The following LTBP1 variants were observed in gnomAD, a reference collection of about 807,000 sequenced individuals.
LTBP1 encodes latent transforming growth factor beta binding protein 1, also known as latent-transforming growth factor beta-binding protein 1.
In LTBP1, 129 loss-of-function variants were observed where a neutral mutation model predicts 207.6. The observed-to-expected ratio is 0.62, with a 90% CI of 0.54 to 0.72. The LOEUF is 0.72. Ranked by LOEUF, LTBP1 falls within the 30% of genes least tolerant of loss-of-function variation. The pLI is 0.00. For synonymous variants in LTBP1, 963 were observed against 833.7 expected (o/e 1.16, Z -2.67); for missense variants, 2,281 against 2,217.2 (o/e 1.03, Z -0.58).
intron 3 of LTBP1, among the ~76,000 whole-genome samples, chr2:33,049,999 GC>G (rs2076644949): frequency 6.6e-6 from 1 of 151,860 alleles, no homozygotes; most frequent in Admixed American, 6.6e-5. Context: ...GGGCCACTGC[GC>G]CCAGCCAATT....
At chr2:33,055,149 G>T (rs1010378662) in intron 3 of LTBP1, among the ~76,000 whole-genome samples, 1 of 152,226 alleles carries the variant, frequency 6.6e-6, no homozygotes, top group East Asian at 1.9e-4. Context: ...ATAGAACACC[G>T]AGGTTGCAAG....
chr2:33,106,393 A>G (rs781652604), intron 3 of LTBP1, among the ~76,000 whole-genome samples: 1 of 152,244 alleles, frequency 6.6e-6, no homozygotes, highest in East Asian at 1.9e-4. Flanking sequence ...GCCCAGATCC[A>G]TCAGAGGAAT....
At chr2:33,354,328 G>A (rs749496278) in intron 26 of LTBP1, among the ~76,000 whole-genome samples, 1 of 151,904 alleles carries the variant, frequency 6.6e-6, no homozygotes, top group Non-Finnish European at 1.5e-5. Context: ...AAGACTTTTG[G>A]TAGGAAAAAA....
chr2:33,391,616 A>C (rs1445534566), intron 32 of LTBP1, among the ~76,000 whole-genome samples: 1 of 152,196 alleles, frequency 6.6e-6, no homozygotes, highest in Non-Finnish European at 1.5e-5. Flanking sequence ...GCCTGGGATT[A>C]TGAAAAGCAC....
Position 32,947,027 on chromosome 2 carries a change from G to C in LTBP1, c.-298G>C, listed in dbSNP as rs546687104. 1.7e-5 allele frequency: 4 copies of C among 234,562 alleles called. No homozygotes were observed. In the South Asian group the frequency reaches 7.1e-4, roughly 42 times the overall value. 14.5% of individuals were successfully genotyped at this position (234,562 alleles called of 1,614,324 possible). A position where few individuals can be genotyped will look rare whatever the true frequency, so the allele number is the denominator to read the frequency against. ...CGCTGCGGCGCGCGCTGCAACCCCC[G>C]GCCGGACGCGCGGACCCTCACCTTG... On this transcript the variant is annotated 5_prime_UTR_variant, in exon 1 of 34. Transcript: ENST00000404816.
At chr2:33,130,747 A>G (rs889963163) in intron 4 of LTBP1, among the ~76,000 whole-genome samples, 2 of 152,040 alleles carry the variant, frequency 1.3e-5, no homozygotes, top group African/African-American at 2.4e-5. Context: ...TTGACTCTTG[A>G]GTGTCTTGAC....
At chr2:33,040,693 G>T (rs1040354747) in intron 3 of LTBP1, among the ~76,000 whole-genome samples, 1 of 152,154 alleles carries the variant, frequency 6.6e-6, no homozygotes, top group African/African-American at 2.4e-5. Context: ...CAGGTATTTT[G>T]CATGCATTAC....
intron 7 of LTBP1, among the ~76,000 whole-genome samples, chr2:33,193,184 C>T (rs1251338169): frequency 2.0e-5 from 3 of 152,140 alleles, no homozygotes; most frequent in Non-Finnish European, 4.4e-5. Context: ...CACTCTGTGG[C>T]CCAAGCTGGA....
intron 5 of LTBP1, among the ~76,000 whole-genome samples, chr2:33,166,842 G>C (rs901589319): frequency 6.6e-6 from 1 of 152,202 alleles, no homozygotes; most frequent in Non-Finnish European, 1.5e-5. Flanking sequence ...ACGTGGCCCT[G>C]AATAGCGTTA....
At chr2:33,099,678 G>A (rs1489093559) in intron 3 of LTBP1, among the ~76,000 whole-genome samples, 1 of 152,182 alleles carries the variant, frequency 6.6e-6, no homozygotes, top group Non-Finnish European at 1.5e-5. Flanking sequence ...CCCAGATCCT[G>A]TGTAGTACTG....
At chr2:33,376,690 C>T (rs181417691) in intron 31 of LTBP1, among the ~76,000 whole-genome samples, 14 of 152,182 alleles carry the variant, frequency 9.2e-5, no homozygotes, top group African/African-American at 3.4e-4. Flanking sequence ...ACCTTTTATC[C>T]AACTATACAT....
intron 15 of LTBP1, among the ~76,000 whole-genome samples, chr2:33,266,309 A>T (rs1044403641): frequency 6.6e-6 from 1 of 152,232 alleles, no homozygotes; most frequent in African/African-American, 2.4e-5. Context: ...GCTGAGGGTA[A>T]GCTGAGGGTA....
At chr2:33,169,458 C>A (rs2085228551) in intron 5 of LTBP1, among the ~76,000 whole-genome samples, 1 of 152,236 alleles carries the variant, frequency 6.6e-6, no homozygotes, top group South Asian at 2.1e-4. Flanking sequence ...AAATTAGTTA[C>A]AATCTGTACT....
chr2:33,387,645 C>T (rs1441137327), intron 31 of LTBP1, among the ~76,000 whole-genome samples: 4 of 152,084 alleles, frequency 2.6e-5, no homozygotes, highest in Non-Finnish European at 5.9e-5. Flanking sequence ...CATACACACA[C>T]ACCTTTGATT....
rs558143595 is a variant in LTBP1 at position 33,367,183 on chromosome 2, A to ACTTTG, written c.4711+1684_4711+1688dup. Among the ~76,000 whole-genome samples, 374 of 152,160 alleles carry ACTTTG rather than the reference A, an allele frequency of 2.5e-3. 2 individuals carry two copies. Among genetic ancestry groups the ACTTTG allele is most frequent in the Non-Finnish European group, 4.3e-3 (289 of 67,992 alleles). On this transcript the variant is annotated intron_variant, in intron 31 of 33. Transcript: ENST00000404816. ...AGTCTATGTCATCAATCTAAGCTAC[A>ACTTTG]CTTTGCTTGTTATTTTGCACTTCAG...
At chr2:33,306,808 A>C (rs530935397) in intron 22 of LTBP1, among the ~76,000 whole-genome samples, 1 of 152,128 alleles carries the variant, frequency 6.6e-6, no homozygotes, top group South Asian at 2.1e-4. Flanking sequence ...ACTGATTGTC[A>C]GTCGGGTGCA....
intron 24 of LTBP1, among the ~76,000 whole-genome samples, chr2:33,333,547 G>A (rs754661953): frequency 1.3e-5 from 2 of 152,314 alleles, no homozygotes; most frequent in African/African-American, 2.4e-5. Flanking sequence ...AGTTGAACCC[G>A]ATGTAGGACA....
chr2:33,271,323 A>C (rs1008946359), intron 15 of LTBP1, among the ~76,000 whole-genome samples: 4 of 151,782 alleles, frequency 2.6e-5, no homozygotes, highest in Admixed American at 6.6e-5. Context: ...AAATATGGTC[A>C]ACATGTCTTT....
chr2:33,244,849 A>G (rs1309801651), intron 10 of LTBP1, among the ~76,000 whole-genome samples: 2 of 143,066 alleles, frequency 1.4e-5, no homozygotes, highest in African/African-American at 2.6e-5. Flanking sequence ...CTTTCCTGCA[A>G]GTTTTTGTTT....
Sources: allele counts gnomAD v4.1 joint callset (sites outside exome capture counted in the v4.1 genomes callset), GRCh38; gene constraint gnomAD v4.1.1; transcripts MANE v1.5; gene names NCBI Gene and HGNC (gene_info 2026-07-23, HGNC 2026-07-21).